MAN1C1: variants seen among roughly 807,000 people sequenced by gnomAD.
The protein encoded by MAN1C1 is mannosidase alpha class 1C member 1.
A neutral mutation model predicts 71.5 loss-of-function variants in MAN1C1; 49 were observed. That is an observed-to-expected ratio of 0.69 (90% CI 0.54 to 0.87). The LOEUF is 0.87. Among genes scored for constraint, MAN1C1 ranks in the 40% least tolerant of loss-of-function variants. The pLI, the probability that MAN1C1 is intolerant of heterozygous loss-of-function variation, is 0.00. For synonymous variants in MAN1C1, 352 were observed against 343.7 expected (o/e 1.02, Z -0.27); for missense variants, 743 against 835.0 (o/e 0.89, Z 1.36).
chr1:25,780,790 TA>T (rs1459000060), intron 9 of MAN1C1, 149 bp from the exon 10 acceptor site: 4 of 743,866 alleles, frequency 5.4e-6, no homozygotes, highest in Non-Finnish European at 9.1e-6. Context: ...GGTGCAGCCT[TA>T]CACAGCAGTC....
intron 2 of MAN1C1, among the ~76,000 whole-genome samples, chr1:25,695,545 G>A (rs1241790118): frequency 6.6e-6 from 1 of 152,132 alleles, no homozygotes; most frequent in African/African-American, 2.4e-5. Flanking sequence ...GTGATCATCA[G>A]AGCAAAGCAC....
intron 2 of MAN1C1, among the ~76,000 whole-genome samples, chr1:25,688,615 C>T (rs543916881): frequency 3.9e-5 from 6 of 152,214 alleles, no homozygotes; most frequent in South Asian, 2.1e-4. Context: ...AGCCTGGTGG[C>T]GCATGCTTGA....
chr1:25,764,526 A>G lies in MAN1C1; in HGVS notation c.1141+559A>G, dbSNP rs2014225. On this transcript the variant is annotated intron_variant, in intron 7 of 11. Coordinates refer to ENST00000374332, the MANE Select transcript of MAN1C1 (RefSeq NM_020379.4). This position sits in a 1 kb window ranked among gnomAD's most constrained non-coding sequence, Gnocchi z 4.4. ...CTCCCAGGTTCAAGTGATTCTCCTG[A>G]CTCAGCCACCCGAGTAGCTGGGACT... Among the ~76,000 whole-genome samples the G allele has an allele frequency of 0.13, 19,929 of 151,650 alleles. 2,068 individuals carry two copies. The highest frequency in any genetic ancestry group is 0.29 in the African/African-American group (12,008 of 41,324).
Position 25,769,098 on chromosome 1 carries a change from C to G in MAN1C1, c.1142-2559C>G, listed in dbSNP as rs2047508365. Among the ~76,000 whole-genome samples the G allele has an allele frequency of 6.8e-6, 1 of 146,344 alleles. No individual in the cohort carries two copies. Among genetic ancestry groups the G allele is most frequent in the Non-Finnish European group, 1.5e-5 (1 of 66,086 alleles). ...CCCACACACACACCTATCACCCACA[C>G]TCCCTCCCACACACACACCACACAC... On this transcript the variant is annotated intron_variant, in intron 7 of 11. Coordinates refer to ENST00000374332, the MANE Select transcript of MAN1C1 (RefSeq NM_020379.4). This position sits in a 1 kb window ranked among gnomAD's most constrained non-coding sequence, Gnocchi z 4.8.
intron 1 of MAN1C1, among the ~76,000 whole-genome samples, chr1:25,633,229 G>C (rs2045410237): frequency 6.6e-6 from 1 of 152,182 alleles, no homozygotes; most frequent in African/African-American, 2.4e-5. Flanking sequence ...GTCTATCTTG[G>C]AGAATGTTCT....
intron 1 of MAN1C1, among the ~76,000 whole-genome samples, chr1:25,635,672 C>T (rs746455393): frequency 2.0e-5 from 3 of 152,144 alleles, no homozygotes; most frequent in Non-Finnish European, 4.4e-5. Flanking sequence ...TGGTCTCAAA[C>T]TCCTGACCTC....
At position 25,775,656 on chromosome 1, in the gene MAN1C1, T is replaced by C. The variant is rs959020239; in HGVS notation, c.1258-2449T>C. 6.6e-6 allele frequency among the ~76,000 whole-genome samples: 1 copy of C among 152,156 alleles called. No individual in the cohort carries two copies. The highest frequency in any genetic ancestry group is 6.5e-5 in the Admixed American group (1 of 15,268). On this transcript the variant is annotated intron_variant, in intron 8 of 11. Coordinates refer to ENST00000374332, the MANE Select transcript of MAN1C1 (RefSeq NM_020379.4). The surrounding 1 kb of genome is among the most constrained non-coding windows in gnomAD (Gnocchi z 5.1). ...ATGGCAGTGGCAGTGCTGGTTTAAA[T>C]TGGGGCATTCTCTCCAAGGAAGTGA...
At chr1:25,696,312 C>T (rs2046369056) in intron 2 of MAN1C1, among the ~76,000 whole-genome samples, 1 of 152,142 alleles carries the variant, frequency 6.6e-6, no homozygotes, top group Non-Finnish European at 1.5e-5. Flanking sequence ...AGCCTGTGGT[C>T]CAGTGTCTGA....
intron 2 of MAN1C1, among the ~76,000 whole-genome samples, chr1:25,726,342 A>G (rs1280794233): frequency 3.9e-5 from 6 of 152,158 alleles, no homozygotes; most frequent in Non-Finnish European, 8.8e-5. Context: ...CTTAACCCTT[A>G]GCCATCCTTA....
At chr1:25,688,618 A>T (rs1485838344) in intron 2 of MAN1C1, among the ~76,000 whole-genome samples, 1 of 152,182 alleles carries the variant, frequency 6.6e-6, no homozygotes, top group Non-Finnish European at 1.5e-5. Context: ...CTGGTGGCGC[A>T]TGCTTGAGCC....
chr1:25,771,842 G>GAGA, intron 8 of MAN1C1, 70 bp downstream of exon 8: 5 of 1,273,204 alleles, frequency 3.9e-6, no homozygotes, highest in Non-Finnish European at 5.7e-6. Flanking sequence ...GCCGAGCGAG[G>GAGA]GTGCTGCGGG....
intron 2 of MAN1C1, among the ~76,000 whole-genome samples, chr1:25,692,034 G>A (rs1572153446): frequency 6.6e-6 from 1 of 152,186 alleles, no homozygotes; most frequent in Non-Finnish European, 1.5e-5. Flanking sequence ...CTTTGATGGC[G>A]AGTCCAACCC....
At chr1:25,700,856 A>C (rs112577426) in intron 2 of MAN1C1, among the ~76,000 whole-genome samples, 2,356 of 151,762 alleles carry the variant, frequency 0.016, 57 homozygotes, top group African/African-American at 0.052. Flanking sequence ...GGTGCTGCAG[A>C]TGGGGTTGGG....
intron 6 of MAN1C1, chr1:25,760,476 A>G (rs2047345829): frequency 6.6e-6 from 1 of 152,214 alleles, no homozygotes. Context: ...TGCCTCCCAC[A>G]GAGGCAATTA....
At chr1:25,682,256 T>C (rs2046165456) in intron 1 of MAN1C1, among the ~76,000 whole-genome samples, 1 of 152,222 alleles carries the variant, frequency 6.6e-6, no homozygotes, top group Non-Finnish European at 1.5e-5. Flanking sequence ...AGTCTGCAGA[T>C]TATGCAAAGC....
At chr1:25,677,152 C>T (rs1188460580) in intron 1 of MAN1C1, among the ~76,000 whole-genome samples, 6 of 152,126 alleles carry the variant, frequency 3.9e-5, no homozygotes, top group African/African-American at 1.2e-4. Flanking sequence ...TAAAAAATTC[C>T]GTGTCATTTT....
chr1:25,756,867 A>G (rs115339754), intron 5 of MAN1C1, among the ~76,000 whole-genome samples: 5 of 152,290 alleles, frequency 3.3e-5, no homozygotes, highest in African/African-American at 1.2e-4. Flanking sequence ...TGCCTGGCAC[A>G]CTATACCGGC....
intron 5 of MAN1C1, among the ~76,000 whole-genome samples, chr1:25,756,882 TA>T (rs1246685916): frequency 7.9e-5 from 12 of 152,138 alleles, no homozygotes; most frequent in Non-Finnish European, 1.3e-4. Context: ...ACCGGCTCAA[TA>T]AATGGAAGTT....
chr1:25,618,019 G>A lies in MAN1C1; in HGVS notation c.222G>A (p.Pro74=). 6.3e-7 allele frequency: 1 copy of A among 1,599,252 alleles called. No homozygotes were observed. The highest frequency in any genetic ancestry group is 8.5e-7 in the Non-Finnish European group (1 of 1,175,040). The change falls in exon 1 of 12, where the codon CCG becomes CCA. Residue 74 remains proline, a synonymous_variant. Coordinates refer to ENST00000374332, the MANE Select transcript of MAN1C1 (RefSeq NM_020379.4). ...TGGCTGAAATCGCCGGCCATGCCCC[G>A]GCCCGCGAGCAGGAGCCGCCTCCCA... ...EVVAEIAGHA[P]AREQEPPPNP...
Sources: allele counts gnomAD v4.1 joint callset (sites outside exome capture counted in the v4.1 genomes callset), GRCh38; gene constraint gnomAD v4.1.1; non-coding constraint Gnocchi (gnomAD v3.1); transcripts MANE v1.5; gene names NCBI Gene and HGNC (gene_info 2026-07-23, HGNC 2026-07-21).